Variants in MACROD2 observed in about 807,000 individuals in gnomAD.
The protein encoded by MACROD2 is ADP-ribose glycohydrolase MACROD2.
MACROD2 carries 36 observed loss-of-function variants against 70.4 expected under a neutral mutation model. The ratio of observed to expected loss-of-function variants is 0.51; its 90% CI spans 0.39 to 0.68. The LOEUF (loss-of-function observed/expected upper bound fraction) is 0.68, where lower values mean the gene tolerates loss of function less well. Ranked by LOEUF, MACROD2 falls within the 30% of genes least tolerant of loss-of-function variation. The pLI, the probability that MACROD2 is intolerant of heterozygous loss-of-function variation, is 0.00. For synonymous variants in MACROD2, 172 were observed against 178.8 expected (o/e 0.96, Z 0.30); for missense variants, 496 against 538.4 (o/e 0.92, Z 0.78).
intron 3 of MACROD2, among the ~76,000 whole-genome samples, chr20:14,461,847 A>G (rs1323875003): frequency 6.6e-6 from 1 of 151,992 alleles, no homozygotes; most frequent in Non-Finnish European, 1.5e-5. Flanking sequence ...ATAGTATTCC[A>G]TGGTGTATAT....
chr20:15,781,694 C>T (rs2051835974), intron 8 of MACROD2, among the ~76,000 whole-genome samples: 1 of 152,108 alleles, frequency 6.6e-6, no homozygotes, highest in Non-Finnish European at 1.5e-5. Flanking sequence ...TTAATATGTA[C>T]ACATTGGCTA....
intron 3 of MACROD2, among the ~76,000 whole-genome samples, chr20:14,170,334 A>C (rs2081209766): frequency 6.6e-6 from 1 of 152,110 alleles, no homozygotes; most frequent in African/African-American, 2.4e-5. Flanking sequence ...GATCCCCTTT[A>C]TTTCTTTCTG....
intron 15 of MACROD2, among the ~76,000 whole-genome samples, chr20:15,997,646 C>T (rs939393686): frequency 2.6e-5 from 4 of 152,076 alleles, no homozygotes; most frequent in African/African-American, 9.7e-5. Context: ...CAGAGAAAAT[C>T]ATAATTCTTC....
At chr20:14,987,895 A>C (rs553359525) in intron 5 of MACROD2, among the ~76,000 whole-genome samples, 23 of 152,270 alleles carry the variant, frequency 1.5e-4, no homozygotes, top group African/African-American at 5.3e-4. Flanking sequence ...TTCAGAAATC[A>C]GTTCATTGCT....
intron 8 of MACROD2, among the ~76,000 whole-genome samples, chr20:15,678,921 G>A (rs1462105050): frequency 2.0e-5 from 3 of 152,282 alleles, no homozygotes; most frequent in Middle Eastern, 3.4e-3. Flanking sequence ...CCAAAGTGAG[G>A]TCATTGAATG....
chr20:16,028,266 C>T lies in MACROD2; in HGVS notation c.1154-12935C>T, dbSNP rs1414253280. On this transcript the variant is annotated intron_variant, in intron 15 of 17. Coordinates refer to ENST00000684519, the MANE Select transcript of MACROD2 (RefSeq NM_001351661.2). ...TATGACAGTGCTTGCCATTTGGCCTCGTGGGTGGGGGATGACTTTCTCTCT... is the reference window on the plus strand; with the variant it reads ...TATGACAGTGCTTGCCATTTGGCCTTGTGGGTGGGGGATGACTTTCTCTCT... Among the ~76,000 whole-genome samples, 7 of 152,098 alleles carry T rather than the reference C, an allele frequency of 4.6e-5. No individual in the cohort carries two copies. In the South Asian group the frequency reaches 1.0e-3, roughly 23 times the overall value.
chr20:15,512,499 A>T (rs2047513427), intron 8 of MACROD2, among the ~76,000 whole-genome samples: 1 of 152,252 alleles, frequency 6.6e-6, no homozygotes, highest in Non-Finnish European at 1.5e-5. Context: ...AGATTTGAAA[A>T]TAAAGCCAAC....
intron 6 of MACROD2, among the ~76,000 whole-genome samples, chr20:15,299,111 G>T (rs2077618194): frequency 1.3e-5 from 2 of 152,304 alleles, no homozygotes; most frequent in Non-Finnish European, 2.9e-5. Flanking sequence ...ACCAGGGTTT[G>T]CTGTCTGGTT....
At chr20:15,944,417 T>C (rs1352386467) in intron 12 of MACROD2, among the ~76,000 whole-genome samples, 3 of 144,168 alleles carry the variant, frequency 2.1e-5, no homozygotes, top group African/African-American at 7.4e-5. Context: ...ATGGAAGGGG[T>C]TTTTTTAGGG....
intron 3 of MACROD2, among the ~76,000 whole-genome samples, chr20:14,256,134 A>C (rs1169426172): frequency 2.0e-5 from 3 of 151,948 alleles, no homozygotes; most frequent in Non-Finnish European, 2.9e-5. Flanking sequence ...TTTATGCCTA[A>C]ATCTGTCCGT....
chr20:14,752,496 A>G (rs1184895796), intron 5 of MACROD2, among the ~76,000 whole-genome samples: 1 of 152,020 alleles, frequency 6.6e-6, no homozygotes, highest in Non-Finnish European at 1.5e-5. Context: ...GTTTCTCCCT[A>G]GTCTAATCCA....
chr20:14,413,278 AT>A (rs2083769652), intron 3 of MACROD2, among the ~76,000 whole-genome samples: 1 of 149,384 alleles, frequency 6.7e-6, no homozygotes, highest in Non-Finnish European at 1.5e-5. Flanking sequence ...CTATTAATAT[AT>A]AGTATATATG....
At chr20:15,517,578 A>G (rs995764837) in intron 8 of MACROD2, among the ~76,000 whole-genome samples, 1 of 152,202 alleles carries the variant, frequency 6.6e-6, no homozygotes, top group East Asian at 1.9e-4. Flanking sequence ...GGAAGGTAGT[A>G]GGGGCTTAAT....
At chr20:14,860,967 A>C (rs2073309519) in intron 5 of MACROD2, among the ~76,000 whole-genome samples, 1 of 152,258 alleles carries the variant, frequency 6.6e-6, no homozygotes, top group Admixed American at 6.5e-5. Context: ...TTTAAAAAAA[A>C]AAAATTGCTT....
At chr20:14,094,077 A>G (rs1010163158) in intron 3 of MACROD2, among the ~76,000 whole-genome samples, 1 of 151,980 alleles carries the variant, frequency 6.6e-6, no homozygotes, top group Non-Finnish European at 1.5e-5. Flanking sequence ...CTTTGGCTGC[A>G]GTGTGAAGGA....
chr20:15,739,593 T>A (rs2051075114), intron 8 of MACROD2, among the ~76,000 whole-genome samples: 1 of 152,148 alleles, frequency 6.6e-6, no homozygotes, highest in Non-Finnish European at 1.5e-5. Flanking sequence ...AAGTTAATCT[T>A]AGTAAGGACA....
chr20:14,752,241 A>G lies in MACROD2; in HGVS notation c.418+67282A>G, dbSNP rs191837132. ...TTACCTATTTTATATTTCTTCCAAG[A>G]TGTTTCAAAGACACCTCAGACTCAA... On this transcript the variant is annotated intron_variant, in intron 5 of 17. Transcript: ENST00000684519. Among the ~76,000 whole-genome samples, 93 of 152,122 alleles carry G rather than the reference A, an allele frequency of 6.1e-4. No homozygotes were observed. The East Asian group carries it at 0.011, about 17-fold the overall frequency.
At chr20:14,387,342 C>T (rs949877161) in intron 3 of MACROD2, among the ~76,000 whole-genome samples, 20 of 152,102 alleles carry the variant, frequency 1.3e-4, no homozygotes, top group African/African-American at 4.8e-4. Context: ...CTGCAGTTGT[C>T]CATTTGTTTA....
At chr20:15,494,950 C>T (rs78737630) in intron 7 of MACROD2, among the ~76,000 whole-genome samples, 4,351 of 152,276 alleles carry the variant, frequency 0.029, 73 homozygotes, top group Non-Finnish European at 0.041. Context: ...AGTAGAAGCA[C>T]AGAATCTGTG....
Sources: allele counts gnomAD v4.1 joint callset (sites outside exome capture counted in the v4.1 genomes callset), GRCh38; gene constraint gnomAD v4.1.1; transcripts MANE v1.5; gene names NCBI Gene and HGNC (gene_info 2026-07-23, HGNC 2026-07-21).